The following DOCK4 variants were observed in gnomAD, a reference collection of about 807,000 sequenced individuals.
DOCK4 encodes dedicator of cytokinesis protein 4.
In DOCK4, 97 loss-of-function variants were observed where a neutral mutation model predicts 268.1. The observed-to-expected ratio is 0.36, with a 90% CI of 0.31 to 0.43. The LOEUF (loss-of-function observed/expected upper bound fraction) is 0.43, where lower values mean the gene tolerates loss of function less well. Among genes scored for constraint, DOCK4 ranks in the 20% least tolerant of loss-of-function variants. DOCK4 has a pLI of 1.00. For synonymous variants in DOCK4, 954 were observed against 887.2 expected (o/e 1.08, Z -1.34); for missense variants, 2,145 against 2,455.7 (o/e 0.87, Z 2.67).
chr7:111,782,989 T>C (rs777189183), intron 34 of DOCK4, 65 bp from the exon 35 acceptor site: 5 of 1,364,566 alleles, frequency 3.7e-6, no homozygotes, highest in Admixed American at 2.2e-5. Flanking sequence ...CAGTTTGTTC[T>C]TTTTGGGGGA....
intron 47 of DOCK4, 82 bp from the exon 48 acceptor site, chr7:111,739,559 CT>C: frequency 1.6e-6 from 2 of 1,271,078 alleles, no homozygotes; most frequent in Non-Finnish European, 2.2e-6. Context: ...AAATCATCAA[CT>C]TTTTTTCAAA....
At chr7:111,936,830 C>A (rs577121733) in intron 11 of DOCK4, among the ~76,000 whole-genome samples, 2 of 152,046 alleles carry the variant, frequency 1.3e-5, no homozygotes, top group African/African-American at 4.8e-5. Flanking sequence ...ATTTTATTGC[C>A]ACAGGATTTT....
chr7:112,085,327 G>A (rs1808976886), intron 1 of DOCK4, among the ~76,000 whole-genome samples: 1 of 151,998 alleles, frequency 6.6e-6, no homozygotes, highest in Non-Finnish European at 1.5e-5. Context: ...ATTTGGCTGT[G>A]TCAAAAAGAA....
At chr7:112,035,801 G>T (rs1803701537) in intron 1 of DOCK4, among the ~76,000 whole-genome samples, 1 of 151,940 alleles carries the variant, frequency 6.6e-6, no homozygotes, top group African/African-American at 2.4e-5. Context: ...TTTAAAAAAA[G>T]CTCTCCAGAA....
chr7:111,874,033 C>A (rs1023564844), intron 17 of DOCK4, among the ~76,000 whole-genome samples: 2 of 152,182 alleles, frequency 1.3e-5, no homozygotes, highest in Admixed American at 6.5e-5. Flanking sequence ...GATATTTCCA[C>A]AGAGTGAGAC....
intron 2 of DOCK4, among the ~76,000 whole-genome samples, chr7:112,001,549 A>G (rs754602075): frequency 5.3e-5 from 8 of 152,180 alleles, no homozygotes; most frequent in Admixed American, 1.3e-4. Flanking sequence ...GCAACTGGGA[A>G]GTGCCAAAGA....
intron 32 of DOCK4, among the ~76,000 whole-genome samples, chr7:111,784,820 T>C (rs556063076): frequency 6.6e-6 from 1 of 152,342 alleles, no homozygotes; most frequent in East Asian, 1.9e-4. Context: ...CATGGCAATA[T>C]GTGGATACTT....
At chr7:111,818,804 T>C (rs1200177391) in intron 27 of DOCK4, among the ~76,000 whole-genome samples, 1 of 152,274 alleles carries the variant, frequency 6.6e-6, no homozygotes, top group African/African-American at 2.4e-5. Context: ...AGGGCCTTTG[T>C]AGATGCTACC....
At chr7:111,798,235 G>T (rs1459170275) in intron 30 of DOCK4, among the ~76,000 whole-genome samples, 1 of 152,248 alleles carries the variant, frequency 6.6e-6, no homozygotes, top group Non-Finnish European at 1.5e-5. Flanking sequence ...GAGGTCACTG[G>T]GTTCAGGACC....
intron 1 of DOCK4, among the ~76,000 whole-genome samples, chr7:112,171,966 C>T (rs1165812225): frequency 6.6e-6 from 1 of 152,198 alleles, no homozygotes; most frequent in Non-Finnish European, 1.5e-5. Flanking sequence ...TGTGCACACG[C>T]ATCCCTGGTG....
At chr7:111,824,155 A>AT in intron 26 of DOCK4, among the ~76,000 whole-genome samples, 1 of 152,302 alleles carries the variant, frequency 6.6e-6, no homozygotes, top group Non-Finnish European at 1.5e-5. Context: ...AGGTCACATA[A>AT]TTTTGGGAAA....
Position 111,762,965 on chromosome 7 carries a change from A to G in DOCK4, c.4020+2153T>C, listed in dbSNP as rs190578455. Among the ~76,000 whole-genome samples, 214 of 151,472 alleles carry G rather than the reference A, an allele frequency of 1.4e-3. 1 individual carries two copies. Among genetic ancestry groups the G allele is most frequent in the Middle Eastern group, 0.01 (3 of 294 alleles). ...TAACTTTTAGTAGAGATGGGGTCTCACTATGTTGCCCAGGCTGGTCTTGAA... is the reference window on the plus strand; with the variant it reads ...TAACTTTTAGTAGAGATGGGGTCTCGCTATGTTGCCCAGGCTGGTCTTGAA... On this transcript the variant is annotated intron_variant, in intron 39 of 52. Coordinates refer to ENST00000428084, the MANE Select transcript of DOCK4 (RefSeq NM_001363540.2).
intron 27 of DOCK4, chr7:111,821,776 T>C (rs1801998904): frequency 6.6e-6 from 1 of 152,236 alleles, no homozygotes; most frequent in Non-Finnish European, 1.5e-5. Context: ...AATCTCCATG[T>C]GTCCAACTCA....
intron 7 of DOCK4, among the ~76,000 whole-genome samples, chr7:111,983,858 G>GCACACACA (rs1300676029): frequency 5.6e-5 from 5 of 90,020 alleles, no homozygotes; most frequent in East Asian, 2.6e-4. Flanking sequence ...GCGCGCGCGC[G>GCACACACA]CGCGCACACA....
At chr7:111,864,243 T>TA (rs11423422) in intron 22 of DOCK4, among the ~76,000 whole-genome samples, 62,594 of 140,674 alleles carry the variant, frequency 0.44, 13,678 homozygotes, top group African/African-American at 0.55. Flanking sequence ...TATTTTTATG[T>TA]AAAAAAAAAA....
In DOCK4 at chr7:111,940,192, G is replaced by A. The variant is rs1375815588; in HGVS notation, c.895C>T (p.Arg299Ter). 4.3e-6 allele frequency: 7 copies of A among 1,613,852 alleles called. No individual in the cohort carries two copies. The highest frequency in any genetic ancestry group is 1.7e-5 in the Admixed American group (1 of 59,998). The change falls in exon 11 of 53, where the codon CGA (arginine) becomes TGA (stop). Residue 299 changes from arginine (R) to a stop codon, truncating the protein, a stop_gained. Coordinates refer to ENST00000428084, the MANE Select transcript of DOCK4 (RefSeq NM_001363540.2). LOFTEE classifies it high-confidence loss of function. The stretch of plus-strand genomic sequence containing the variant: ...CTAAGAACTGCACAGCCAAAGGGTC[G>A]TCGGTACTGGACACTACAGGCATTC... ...KKNACSVQYRRPFGCAVLSIA... is the reference protein window; with the variant it reads ...KKNACSVQYR
intron 1 of DOCK4, among the ~76,000 whole-genome samples, chr7:112,039,924 T>G (rs1212215344): frequency 2.6e-5 from 4 of 152,166 alleles, no homozygotes; most frequent in Non-Finnish European, 5.9e-5. Context: ...ATTTAAGTTT[T>G]CAGACCCTAC....
intron 16 of DOCK4, among the ~76,000 whole-genome samples, chr7:111,895,292 G>A (rs532763791): frequency 9.2e-5 from 14 of 152,214 alleles, no homozygotes; most frequent in East Asian, 3.9e-4. Context: ...ATAAGAAAGC[G>A]CGTAATGTAG....
At chr7:111,814,733 G>A (rs1227336908) in intron 27 of DOCK4, among the ~76,000 whole-genome samples, 2 of 152,062 alleles carry the variant, frequency 1.3e-5, no homozygotes, top group Non-Finnish European at 1.5e-5. Flanking sequence ...ATTTGTATGG[G>A]GCTTGCAGTT....
Sources: gnomAD v4.1 joint callset for allele counts (sites outside exome capture counted in the v4.1 genomes callset) on GRCh38, gnomAD v4.1.1 for gene constraint, MANE v1.5 for transcripts, NCBI Gene and HGNC (gene_info 2026-07-23, HGNC 2026-07-21) for gene names.